The following USP37 variants were observed in gnomAD, a reference collection of about 807,000 sequenced individuals.
The protein encoded by USP37 is ubiquitin carboxyl-terminal hydrolase 37.
In USP37, 27 loss-of-function variants were observed where a neutral mutation model predicts 124.0. The observed-to-expected ratio is 0.22, with a 90% CI of 0.16 to 0.30. The LOEUF is 0.30. USP37 is among the 10% of genes least tolerant of loss of function. The pLI is 1.00. For missense variants in USP37, 889 were observed against 1,140.4 expected (o/e 0.78, Z 3.17); for synonymous variants, 365 against 388.0 (o/e 0.94, Z 0.70).
intron 10 of USP37, among the ~76,000 whole-genome samples, chr2:218,524,597 C>T (rs780820708): frequency 3.3e-5 from 5 of 152,076 alleles, no homozygotes; most frequent in Non-Finnish European, 5.9e-5. Flanking sequence ...CATAAAATAA[C>T]CCTGGAAGGA....
intron 10 of USP37, chr2:218,528,216 A>ACAAG (rs1691088056): frequency 6.6e-6 from 1 of 152,096 alleles, no homozygotes; most frequent in African/African-American, 2.4e-5. Flanking sequence ...AAACAAACAA[A>ACAAG]CATATGACTT....
chr2:218,467,067 T>C (rs1690368506), intron 20 of USP37, among the ~76,000 whole-genome samples: 1 of 152,142 alleles, frequency 6.6e-6, no homozygotes, highest in African/African-American at 2.4e-5. Context: ...GTTGAACATG[T>C]GTTTAAACAT....
Position 218,476,865 on chromosome 2 carries a change from T to C in USP37, c.2018A>G (p.Glu673Gly), listed in dbSNP as rs1265741981. Residue 673 changes from glutamate (E) to glycine (G), a missense_variant, in exon 19 of 26, where the codon GAA becomes GGA. Physicochemically the swap from Glu to Gly is moderately conservative, Grantham distance 98. Transcript: ENST00000258399. ...SQRLCEMLGN[E>G]QQQEDLEKDS... ...TTTTTCCAGGTCTTCCTGCTGCTGT[T>C]CGTTGCCTAACATTTCACAAAGTCT... 1 of 1,604,124 alleles carries C rather than the reference T, an allele frequency of 6.2e-7. No homozygotes were observed. The highest frequency in any genetic ancestry group is 1.3e-5 in the African/African-American group (1 of 74,250).
chr2:218,563,505 A>G (rs971202776), intron 1 of USP37, among the ~76,000 whole-genome samples: 34 of 152,214 alleles, frequency 2.2e-4, no homozygotes, highest in Non-Finnish European at 3.7e-4. Flanking sequence ...TGTTGATACT[A>G]TTTCAAAAGG....
chr2:218,489,357 CAA>C (rs35890265), intron 14 of USP37, among the ~76,000 whole-genome samples: 76 of 123,566 alleles, frequency 6.2e-4, no homozygotes, highest in Non-Finnish European at 8.4e-4. Context: ...GACTCTGTCT[CAA>C]AAAAAAAAAA....
chr2:218,553,864 A>G (rs1692799754), intron 4 of USP37, 140 bp from the exon 5 acceptor site: 1 of 891,232 alleles, frequency 1.1e-6, no homozygotes, highest in South Asian at 2.9e-5. Flanking sequence ...TTTTCAACCA[A>G]AAGAAGTTCC....
intron 1 of USP37, 121 bp from the exon 2 acceptor site, chr2:218,562,934 CGGGCAGATAACCTGAGGTCA>C: frequency 5.3e-6 from 2 of 374,918 alleles, no homozygotes; most frequent in Admixed American, 9.1e-5. Context: ...GAGGTGGAGG[CGGGCAGATAACCTGAGGTCA>C]GGAGTTCGAG....
At position 218,465,993 on chromosome 2, in the gene USP37, A is replaced by G; in HGVS notation, c.2466+17T>C. The stretch of plus-strand genomic sequence containing the variant: ...AAAGGTAAGTACAGAGAAAGTAGCA[A>G]TATAAATATCTCTTACTTGCTCTTG... On this transcript the variant is annotated intron_variant, in intron 21 of 25. Transcript: ENST00000258399. 1 of 1,600,434 alleles carries G rather than the reference A, an allele frequency of 6.2e-7. No individual in the cohort carries two copies. Among genetic ancestry groups the G allele is most frequent in the Non-Finnish European group, 8.5e-7 (1 of 1,177,024 alleles).
chr2:218,538,606 T>TA (rs1352890452), intron 8 of USP37, among the ~76,000 whole-genome samples: 1 of 152,116 alleles, frequency 6.6e-6, no homozygotes, highest in African/African-American at 2.4e-5. Context: ...ATAGAAGCTA[T>TA]AAAAAATGGG....
Position 218,510,031 on chromosome 2 carries a change from A to C in USP37, c.973T>G (p.Trp325Gly). 1 of 1,609,336 alleles carries C rather than the reference A, an allele frequency of 6.2e-7. No individual in the cohort carries two copies. The highest frequency in any genetic ancestry group is 1.1e-5 in the South Asian group (1 of 89,772). ...GAAAGGGGCACTCTTGGTTTATTCC[A>C]GCCAGTGTAATCCTGGTTACACCTC... ...KLRCNQDYTG[W>G]NKPRVPLSSH... The change falls in exon 11 of 26, where the codon TGG becomes GGG. Residue 325 changes from tryptophan (W) to glycine (G), a missense_variant. Transcript: ENST00000258399.
At chr2:218,522,440 G>A (rs1287163335) in intron 10 of USP37, among the ~76,000 whole-genome samples, 1 of 150,258 alleles carries the variant, frequency 6.7e-6, no homozygotes, top group Non-Finnish European at 1.5e-5. Context: ...GCACACACCT[G>A]TAGTCCCAGT....
intron 15 of USP37, among the ~76,000 whole-genome samples, chr2:218,486,789 G>T (rs1008412759): frequency 6.6e-6 from 1 of 151,846 alleles, no homozygotes; most frequent in African/African-American, 2.4e-5. Context: ...GCAGTGGCGC[G>T]ATCTCGGCTC....
At chr2:218,514,887 T>C (rs1262438691) in intron 10 of USP37, among the ~76,000 whole-genome samples, 3 of 152,114 alleles carry the variant, frequency 2.0e-5, no homozygotes, top group African/African-American at 7.2e-5. Context: ...GACATATTTA[T>C]TTTTTTTCTA....
rs1386096047 is a variant in USP37 at position 218,453,743 on chromosome 2, G to GT, written c.*1186dup. 1.3e-5 allele frequency: 2 copies of GT among 152,150 alleles called. No individual in the cohort carries two copies. Among genetic ancestry groups the GT allele is most frequent in the Non-Finnish European group, 2.9e-5 (2 of 68,008 alleles). The allele number at this position is 152,150 out of a possible 1,614,324, so 9.4% of individuals were successfully genotyped here. ...AATTATGCACCTTTGTTATTTGTTA[G>GT]TTTTTGGGATTACCTAAGCCAATCA... is the stretch of plus-strand genomic sequence containing the variant. On this transcript the variant is annotated 3_prime_UTR_variant, in exon 26 of 26. Transcript: ENST00000258399.
intron 2 of USP37, among the ~76,000 whole-genome samples, chr2:218,561,770 C>T (rs1368753437): frequency 3.9e-5 from 6 of 152,148 alleles, no homozygotes; most frequent in Non-Finnish European, 7.3e-5. Context: ...CACTTGTTCT[C>T]GCAATAAAAT....
chr2:218,460,022 G>C, intron 22 of USP37, 117 bp from the exon 23 acceptor site: 1 of 572,778 alleles, frequency 1.7e-6, no homozygotes, highest in Admixed American at 2.9e-5. Context: ...CCTGAGGTCA[G>C]GAGTTCGAGA....
chr2:218,564,065 CG>C (rs1693457971), intron 1 of USP37, among the ~76,000 whole-genome samples: 1 of 151,942 alleles, frequency 6.6e-6, no homozygotes, highest in Admixed American at 6.6e-5. Context: ...AGCAAGACTC[CG>C]TCTCAAAAGA....
chr2:218,526,400 T>C (rs2106020493), intron 10 of USP37, among the ~76,000 whole-genome samples: 1 of 151,580 alleles, frequency 6.6e-6, no homozygotes, highest in African/African-American at 2.4e-5. Context: ...GCCCAGCTAA[T>C]TTTTTTGTAT....
intron 11 of USP37, among the ~76,000 whole-genome samples, chr2:218,503,028 C>T (rs997193332): frequency 6.6e-6 from 1 of 152,126 alleles, no homozygotes; most frequent in Non-Finnish European, 1.5e-5. Flanking sequence ...CACATTATCA[C>T]GTTAGAGTTC....
Sources: allele counts gnomAD v4.1 joint callset (sites outside exome capture counted in the v4.1 genomes callset), GRCh38; gene constraint gnomAD v4.1.1; transcripts MANE v1.5; gene names NCBI Gene and HGNC (gene_info 2026-07-23, HGNC 2026-07-21).